Variants in DSCAML1 observed in about 807,000 individuals in gnomAD.
DSCAML1 encodes DS cell adhesion molecule like 1.
In DSCAML1, 38 loss-of-function variants were observed where a neutral mutation model predicts 200.5. The ratio of observed to expected loss-of-function variants is 0.19; its 90% confidence interval spans 0.15 to 0.25. The LOEUF is 0.25. Among genes scored for constraint, DSCAML1 ranks in the 10% least tolerant of loss-of-function variants. The probability of loss-of-function intolerance (pLI) is 1.00; values close to 1 mark genes in which losing one functional copy is unlikely to be tolerated. For synonymous variants in DSCAML1, 1,215 were observed against 1,165.0 expected, an observed-to-expected ratio of 1.04 and a Z score of -0.87; for missense variants, 2,223 against 2,858.8, an observed-to-expected ratio of 0.78 and a Z score of 5.07.
At chr11:117,647,541 C>T (rs979501820) in intron 3 of DSCAML1, among the ~76,000 whole-genome samples, 1 of 152,162 alleles carries the variant, frequency 6.6e-6, no homozygotes, top group Non-Finnish European at 1.5e-5. Flanking sequence ...AACAAGCAAA[C>T]TGGTGCCACT....
At position 117,642,048 on chromosome 11, in the gene DSCAML1, G is replaced by A. The variant is rs1411058918; in HGVS notation, c.512-109526C>T. Among the ~76,000 whole-genome samples the A allele has an allele frequency of 2.6e-5, 4 of 152,158 alleles. No individual in the cohort carries two copies. Among genetic ancestry groups the A allele is most frequent in the Non-Finnish European group, 4.4e-5 (3 of 68,002 alleles). ...GCCTCTCCCCACTCCAACAGCCCCTGGTGACAGCTCCCTTTTCTGAACATC... is the reference window on the plus strand; with the variant it reads ...GCCTCTCCCCACTCCAACAGCCCCTAGTGACAGCTCCCTTTTCTGAACATC... On this transcript the variant is annotated intron_variant, in intron 3 of 32. Transcript: ENST00000651296. This position sits in a 1 kb window ranked among gnomAD's most constrained non-coding sequence, Gnocchi z 4.1.
intron 3 of DSCAML1, among the ~76,000 whole-genome samples, chr11:117,558,793 A>G (rs1279678145): frequency 1.3e-5 from 2 of 152,236 alleles, no homozygotes; most frequent in Non-Finnish European, 2.9e-5. Flanking sequence ...AGATCAAGTA[A>G]GCGTGAGGAA....
At chr11:117,481,936 C>T (rs1432205829) in intron 12 of DSCAML1, 27 bp downstream of exon 12, 4 of 1,613,096 alleles carry the variant, frequency 2.5e-6, no homozygotes, top group Admixed American at 3.3e-5. Context: ...AGTTGGGGTC[C>T]CCCAGCACTG....
intron 11 of DSCAML1, among the ~76,000 whole-genome samples, chr11:117,499,972 TAGAA>T (rs1332234749): frequency 3.3e-5 from 5 of 152,236 alleles, no homozygotes; most frequent in Non-Finnish European, 7.3e-5. Context: ...CAACTCTACA[TAGAA>T]AGAAAACATT....
At chr11:117,538,209 G>A (rs567143063) in intron 3 of DSCAML1, among the ~76,000 whole-genome samples, 1 of 152,298 alleles carries the variant, frequency 6.6e-6, no homozygotes, top group Admixed American at 6.5e-5. Context: ...AGATCAATTT[G>A]CAAAGACTCT....
intron 11 of DSCAML1, among the ~76,000 whole-genome samples, chr11:117,490,410 C>G (rs1477401078): frequency 6.6e-6 from 1 of 152,214 alleles, no homozygotes; most frequent in Non-Finnish European, 1.5e-5. Context: ...CACACACTTT[C>G]TGACCAACCC....
At chr11:117,689,526 C>G (rs990413047) in intron 3 of DSCAML1, among the ~76,000 whole-genome samples, 1 of 152,240 alleles carries the variant, frequency 6.6e-6, no homozygotes, top group Non-Finnish European at 1.5e-5. Context: ...TTTCTGGAAA[C>G]TCCTTCCCTG....
rs147379608 is a variant in DSCAML1, at chr11:117,466,793, T to C, written c.3025-1611A>G. On this transcript the variant is annotated intron_variant, in intron 16 of 32. Coordinates refer to ENST00000651296, the MANE Select transcript of DSCAML1 (RefSeq NM_020693.4). ...TGCTAGTGGTGATGGTTGTACAACA[T>C]TGTGAATGTGCTTACTGCTATTGAG... is the stretch of plus-strand genomic sequence containing the variant. 4.9e-4 allele frequency among the ~76,000 whole-genome samples: 75 copies of C among 152,308 alleles called. 1 individual carries two copies. Among genetic ancestry groups the C allele is most frequent in the Non-Finnish European group, 2.9e-5 (2 of 68,020 alleles).
intron 11 of DSCAML1, among the ~76,000 whole-genome samples, chr11:117,487,497 G>A (rs540009433): frequency 6.5e-4 from 99 of 152,266 alleles, no homozygotes; most frequent in African/African-American, 2.1e-3. Context: ...AAGCAGAAGA[G>A]CATCTTAAAA....
intron 4 of DSCAML1, among the ~76,000 whole-genome samples, chr11:117,530,436 C>T (rs1052809882): frequency 2.6e-5 from 4 of 152,130 alleles, no homozygotes; most frequent in Admixed American, 1.3e-4. Flanking sequence ...CATTTTGAGG[C>T]GAGCCCTTTG....
chr11:117,776,698 A>G (rs939532657), intron 3 of DSCAML1, 93 bp downstream of exon 3: 3 of 1,457,512 alleles, frequency 2.1e-6, no homozygotes, highest in African/African-American at 1.4e-5. Context: ...TCAAGATCTT[A>G]TTGAGCTCAA....
Position 117,780,510 on chromosome 11 carries a change from T to C in DSCAML1, c.347A>G (p.Asn116Ser), listed in dbSNP as rs1379163186. 7 of 1,449,616 alleles carry C rather than the reference T, an allele frequency of 4.8e-6. No homozygotes were observed. The highest frequency in any genetic ancestry group is 6.4e-6 in the Non-Finnish European group (7 of 1,095,112). 89.8% of individuals were successfully genotyped at this position (1,449,616 alleles called of 1,614,324 possible). A position where few individuals can be genotyped will look rare whatever the true frequency, so the allele number is the denominator to read the frequency against. ...TCCCTTACCTGCTTTGACGCGGATG[T>C]TGGGGCTCCGGATCTTGCCGGCAGC... ...ENAAGKIRSP[N>S]IRVKAVFREP... The change falls in exon 2 of 33, where the codon AAC becomes AGC. Residue 116 changes from asparagine (N) to serine (S), a missense_variant. Physicochemically the swap from Asn to Ser is conservative, Grantham distance 46. Coordinates refer to ENST00000651296, the MANE Select transcript of DSCAML1 (RefSeq NM_020693.4). The surrounding 1 kb of genome is among the most constrained non-coding windows in gnomAD (Gnocchi z 4.8).
intron 3 of DSCAML1, among the ~76,000 whole-genome samples, chr11:117,559,473 G>A (rs1408896259): frequency 6.6e-6 from 1 of 152,174 alleles, no homozygotes; most frequent in Admixed American, 6.5e-5. Context: ...CCAAACCCAT[G>A]TATGACCTTG....
At position 117,521,282 on chromosome 11, in the gene DSCAML1, A is replaced by C. The variant is rs773804639; in HGVS notation, c.1061T>G (p.Leu354Arg). The change falls in exon 6 of 33, where the codon CTG (leucine) becomes CGG (arginine). Residue 354 changes from leucine (L) to arginine (R), a missense_variant. Physicochemically the swap from Leu to Arg is moderately radical, Grantham distance 102 (BLOSUM62 -2). Around this residue, in one of 7 missense-constraint regions of DSCAML1, gnomAD observed 579 missense variants for 721.5 expected, o/e 0.80. Coordinates refer to ENST00000651296, the MANE Select transcript of DSCAML1 (RefSeq NM_020693.4). The part of the protein sequence containing the change: ...FTIRWYRNTE[L>R]VLPDEAISIR... ...GGAGATGGCCTCGTCAGGCAGCACC[A>C]GCTCCGTGTTGCGATACCAGCGGAT... The C allele has an allele frequency of 6.2e-6, 10 of 1,614,092 alleles. No homozygotes were observed. The East Asian group carries it at 1.8e-4, about 29-fold the overall frequency.
intron 16 of DSCAML1, among the ~76,000 whole-genome samples, chr11:117,465,522 A>G (rs1026749588): frequency 6.6e-6 from 1 of 152,140 alleles, no homozygotes; most frequent in East Asian, 1.9e-4. Flanking sequence ...CTTATGTAAG[A>G]CAGCTCCCTG....
intron 27 of DSCAML1, among the ~76,000 whole-genome samples, chr11:117,435,004 T>G (rs552836145): frequency 3.9e-5 from 6 of 152,348 alleles, no homozygotes; most frequent in Middle Eastern, 3.4e-3. Flanking sequence ...ATCTCTATAG[T>G]CTTGCAGTAT....
intron 3 of DSCAML1, among the ~76,000 whole-genome samples, chr11:117,559,886 C>T (rs1228655330): frequency 6.6e-6 from 1 of 151,606 alleles, no homozygotes; most frequent in African/African-American, 2.4e-5. Context: ...GGGTGGGATA[C>T]AGGAAGGAAG....
At chr11:117,565,210 C>T (rs1015670235) in intron 3 of DSCAML1, among the ~76,000 whole-genome samples, 2 of 152,054 alleles carry the variant, frequency 1.3e-5, no homozygotes, top group Admixed American at 6.5e-5. Context: ...AAAGGTACAT[C>T]GTTTTGGGGG....
At chr11:117,481,334 G>T in intron 12 of DSCAML1, 64 bp from the exon 13 acceptor site, 1 of 1,526,262 alleles carries the variant, frequency 6.6e-7, no homozygotes, top group Non-Finnish European at 9.1e-7. Flanking sequence ...GAGCTGGTCA[G>T]CTGAAGGGGT....
Sources: gnomAD v4.1 joint callset for allele counts (sites outside exome capture counted in the v4.1 genomes callset) on GRCh38, gnomAD v4.1.1 for gene constraint, gnomAD v4.1.1 regional missense constraint, Gnocchi (gnomAD v3.1) non-coding constraint, MANE v1.5 for transcripts, NCBI Gene and HGNC (gene_info 2026-07-23, HGNC 2026-07-21) for gene names.